ATP8B4: variants seen among roughly 807,000 people sequenced by gnomAD.
ATP8B4 encodes ATPase phospholipid transporting 8B4 (putative), also known as probable phospholipid-transporting ATPase IM.
In ATP8B4, 133 loss-of-function variants were observed where a neutral mutation model predicts 145.6. That is an observed-to-expected ratio of 0.91 (90% confidence interval 0.79 to 1.05). The LOEUF (loss-of-function observed/expected upper bound fraction) is 1.05, where lower values mean the gene tolerates loss of function less well. Among genes scored for constraint, ATP8B4 ranks in the 50% least tolerant of loss-of-function variants. ATP8B4 has a pLI of 0.00. For missense variants in ATP8B4, 1,458 were observed against 1,425.2 expected, an observed-to-expected ratio of 1.02 and a Z score of -0.37; for synonymous variants, 507 against 492.9, an observed-to-expected ratio of 1.03 and a Z score of -0.38.
intron 1 of ATP8B4, among the ~76,000 whole-genome samples, chr15:50,133,671 G>A (rs2044080356): frequency 6.6e-6 from 1 of 152,122 alleles, no homozygotes; most frequent in Non-Finnish European, 1.5e-5. Flanking sequence ...CAGTTGCCAG[G>A]GGCTGGGGTT....
intron 23 of ATP8B4, 45 bp downstream of exon 23, chr15:49,897,247 A>AAAAC (rs554622551): frequency 3.1e-5 from 47 of 1,511,210 alleles, no homozygotes; most frequent in Middle Eastern, 1.7e-4. Flanking sequence ...ATATCATACA[A>AAAAC]AAACAAACAA....
chr15:49,866,465 T>C lies in ATP8B4; in HGVS notation c.3047A>G (p.Tyr1016Cys), dbSNP rs1459916323. 6.2e-7 allele frequency: 1 copy of C among 1,613,666 alleles called. No individual in the cohort carries two copies. Among genetic ancestry groups the C allele is most frequent in the African/African-American group, 1.3e-5 (1 of 74,938 alleles). Residue 1016 changes from tyrosine to cysteine, a missense_variant, in exon 26 of 28, where the codon TAC becomes TGC. Physicochemically the swap from Tyr to Cys is radical, Grantham distance 194. Transcript: ENST00000284509. ...GAAGACGTGATTAATGAAAGTCCAG[T>C]AACTGGTATCCAAGGCTATCTGTAA... is the stretch of plus-strand genomic sequence containing the variant. ...VSVQIALDTS[Y>C]WTFINHVFIW...
At chr15:50,140,666 G>GA (rs59280201) in intron 1 of ATP8B4, among the ~76,000 whole-genome samples, 150,488 of 152,318 alleles carry the variant, frequency 0.99, 74,363 homozygotes, top group East Asian at 1. Flanking sequence ...TACAAAGAAT[G>GA]AATAACACAC....
intron 20 of ATP8B4, chr15:49,901,763 A>T (rs2038063700): frequency 2.5e-6 from 1 of 406,266 alleles, no homozygotes; most frequent in Non-Finnish European, 4.8e-6. Flanking sequence ...AAAATTTAAC[A>T]AGAAGAAAAA....
chr15:50,053,471 AG>A (rs1298706779), intron 3 of ATP8B4, among the ~76,000 whole-genome samples: 1 of 152,176 alleles, frequency 6.6e-6, no homozygotes, highest in Non-Finnish European at 1.5e-5. Flanking sequence ...TTCTTACCAA[AG>A]GAAATTCAGT....
intron 23 of ATP8B4, among the ~76,000 whole-genome samples, chr15:49,893,102 G>C (rs113899500): frequency 3.4e-4 from 51 of 152,164 alleles, no homozygotes; most frequent in African/African-American, 1.2e-3. Flanking sequence ...TCAGATCAAA[G>C]GATATTGTAA....
intron 1 of ATP8B4, among the ~76,000 whole-genome samples, chr15:50,164,052 G>C (rs1015803729): frequency 2.0e-5 from 3 of 152,118 alleles, no homozygotes; most frequent in African/African-American, 7.2e-5. Context: ...GCCCAGGGCA[G>C]GTCCAAGAAT....
chr15:50,037,371 C>G (rs2050917567), intron 6 of ATP8B4, among the ~76,000 whole-genome samples: 1 of 152,180 alleles, frequency 6.6e-6, no homozygotes, highest in African/African-American at 2.4e-5. Flanking sequence ...CACACATACT[C>G]TGTCTTATAA....
chr15:50,038,410 C>T (rs2051003980), intron 6 of ATP8B4, among the ~76,000 whole-genome samples: 2 of 152,240 alleles, frequency 1.3e-5, no homozygotes, highest in Non-Finnish European at 2.9e-5. Context: ...TAGCAATATT[C>T]CCCAGAAATT....
intron 2 of ATP8B4, among the ~76,000 whole-genome samples, chr15:50,099,765 G>A (rs1011708322): frequency 3.9e-5 from 6 of 152,108 alleles, no homozygotes; most frequent in Non-Finnish European, 7.4e-5. Flanking sequence ...CATGCCAGGC[G>A]CGGTGGCTCA....
At chr15:49,918,233 T>G (rs2039935221) in intron 19 of ATP8B4, among the ~76,000 whole-genome samples, 1 of 152,246 alleles carries the variant, frequency 6.6e-6, no homozygotes, top group Admixed American at 6.5e-5. Context: ...CACTAATGAT[T>G]TGGCATTTTG....
chr15:50,097,608 A>G (rs894422933), intron 2 of ATP8B4, among the ~76,000 whole-genome samples: 1 of 152,180 alleles, frequency 6.6e-6, no homozygotes, highest in African/African-American at 2.4e-5. Flanking sequence ...GAGTCACCAT[A>G]AGTAAACAAC....
At chr15:49,990,915 T>G (rs1461746673) in intron 9 of ATP8B4, among the ~76,000 whole-genome samples, 4 of 152,208 alleles carry the variant, frequency 2.6e-5, no homozygotes, top group African/African-American at 9.6e-5. Flanking sequence ...TTTGCCCTGA[T>G]GATTGTGACA....
intron 17 of ATP8B4, among the ~76,000 whole-genome samples, chr15:49,921,425 G>A (rs1488930889): frequency 1.3e-5 from 2 of 152,102 alleles, no homozygotes; most frequent in Non-Finnish European, 2.9e-5. Flanking sequence ...CCTAATAGTA[G>A]GGGAAAAGAA....
At chr15:50,117,898 C>T (rs189378906) in intron 1 of ATP8B4, among the ~76,000 whole-genome samples, 13 of 152,174 alleles carry the variant, frequency 8.5e-5, no homozygotes, top group Non-Finnish European at 1.6e-4. Context: ...ATAAGCCAGG[C>T]ACAGAAAGAC....
intron 2 of ATP8B4, among the ~76,000 whole-genome samples, chr15:50,087,956 T>G (rs1406927039): frequency 6.6e-6 from 1 of 152,172 alleles, no homozygotes; most frequent in African/African-American, 2.4e-5. Flanking sequence ...ACTGTGTTGT[T>G]TTTCTGAATT....
chr15:49,883,043 T>C (rs2035665476), intron 23 of ATP8B4: 1 of 152,196 alleles, frequency 6.6e-6, no homozygotes, highest in African/African-American at 2.4e-5. Flanking sequence ...CCCAGGCCAA[T>C]TAAATCAGTA....
intron 2 of ATP8B4, among the ~76,000 whole-genome samples, chr15:50,081,175 G>A (rs912872461): frequency 6.7e-6 from 1 of 150,030 alleles, no homozygotes; most frequent in East Asian, 1.9e-4. Context: ...GAGACAACAA[G>A]AGCCAATGAT....
At chr15:49,984,719 A>C (rs1390434221) in intron 10 of ATP8B4, among the ~76,000 whole-genome samples, 1 of 152,094 alleles carries the variant, frequency 6.6e-6, no homozygotes, top group Non-Finnish European at 1.5e-5. Flanking sequence ...GCAGAAGTAC[A>C]AGGTAACCTA....
Sources: allele counts gnomAD v4.1 joint callset (sites outside exome capture counted in the v4.1 genomes callset), GRCh38; gene constraint gnomAD v4.1.1; transcripts MANE v1.5; gene names NCBI Gene and HGNC (gene_info 2026-07-23, HGNC 2026-07-21).